POLA1: variants seen among roughly 807,000 people sequenced by gnomAD.
POLA1 encodes DNA polymerase alpha catalytic subunit.
POLA1 carries 15 observed loss-of-function variants against 124.0 expected under a neutral mutation model. The ratio of observed to expected loss-of-function variants is 0.12; its 90% CI spans 0.08 to 0.19. POLA1 has a LOEUF of 0.19. Ranked by LOEUF, POLA1 falls within the 10% of genes least tolerant of loss-of-function variation. POLA1 has a pLI of 1.00. For synonymous variants in POLA1, 408 were observed against 389.4 expected (o/e 1.05, Z -0.56); for missense variants, 886 against 1,103.4 (o/e 0.80, Z 2.79).
intron 32 of POLA1, among the ~76,000 whole-genome samples, chrX:24,828,639 C>T (rs995254358): frequency 1.8e-4 from 20 of 111,737 alleles, no homozygotes; most frequent in African/African-American, 6.5e-4. Flanking sequence ...TCTTCAAAAA[C>T]CTGGTGTAAA....
At chrX:24,886,334 G>A (rs1273077912) in intron 34 of POLA1, among the ~76,000 whole-genome samples, 1 of 111,740 alleles carries the variant, frequency 8.9e-6, no homozygotes, top group Non-Finnish European at 1.9e-5. Context: ...GACCCTCCCT[G>A]TACTTGAAAA....
At chrX:24,782,453 G>A (rs1189982629) in intron 26 of POLA1, among the ~76,000 whole-genome samples, 1 of 111,773 alleles carries the variant, frequency 8.9e-6, no homozygotes, top group African/African-American at 3.3e-5. Context: ...TAAATGACAA[G>A]CACATTCCAG....
intron 14 of POLA1, 93 bp downstream of exon 14, chrX:24,727,164 T>C (rs1301989341): frequency 2.7e-6 from 2 of 734,348 alleles, no homozygotes; most frequent in Non-Finnish European, 4.1e-6. Flanking sequence ...TTTATTTTAA[T>C]GTGTCTACTT....
chrX:24,992,146 T>C (rs756426444), intron 36 of POLA1, among the ~76,000 whole-genome samples: 24 of 111,870 alleles, frequency 2.1e-4, no homozygotes, highest in Non-Finnish European at 3.4e-4. Context: ...TGGATCGATA[T>C]TCAGGAAAAA....
At chrX:24,984,907 G>A (rs756471337) in intron 36 of POLA1, among the ~76,000 whole-genome samples, 4 of 110,546 alleles carry the variant, frequency 3.6e-5, no homozygotes, top group Admixed American at 9.6e-5. Context: ...TGATCCGCCC[G>A]CCTCGGCCTC....
intron 36 of POLA1, among the ~76,000 whole-genome samples, chrX:24,985,338 AG>A (rs1234232767): frequency 8.8e-6 from 1 of 113,041 alleles, no homozygotes; most frequent in Non-Finnish European, 1.9e-5. Flanking sequence ...AACAAAAACA[AG>A]TGGAAGCCGA....
chrX:24,812,729 A>G lies in POLA1; in HGVS notation c.3162A>G (p.Leu1054=), dbSNP rs755563554. 3.3e-6 allele frequency: 4 copies of G among 1,199,508 alleles called. No individual in the cohort carries two copies. The highest frequency in any genetic ancestry group is 2.3e-4 in the Middle Eastern group (1 of 4,342). The part of the protein sequence containing the change: ...IDIDGVFKSL[L]LLKKKKYAAL... ...TTGATGGGGTTTTCAAGTCTCTGCTACTGCTGAAAAAAAAGAAGTACGCTG... is the reference window on the plus strand; with the variant it reads ...TTGATGGGGTTTTCAAGTCTCTGCTGCTGCTGAAAAAAAAGAAGTACGCTG... Residue 1054 remains leucine (L), a synonymous_variant, in exon 29 of 37, where the codon CTA becomes CTG. Transcript: ENST00000379068.
intron 31 of POLA1, among the ~76,000 whole-genome samples, chrX:24,822,852 G>A (rs373624736): frequency 8.5e-4 from 94 of 111,171 alleles, no homozygotes; most frequent in African/African-American, 3.0e-3. Context: ...TTAGATTGGT[G>A]ATGAGAAGAA....
At chrX:24,899,662 A>G (rs1047020238) in intron 35 of POLA1, among the ~76,000 whole-genome samples, 1 of 112,016 alleles carries the variant, frequency 8.9e-6, no homozygotes, top group African/African-American at 3.2e-5. Flanking sequence ...AGCAAATGCT[A>G]GCTAATGGCC....
chrX:24,773,941 AC>A (rs1416558353), intron 26 of POLA1, among the ~76,000 whole-genome samples: 6 of 112,056 alleles, frequency 5.4e-5, no homozygotes, highest in African/African-American at 1.9e-4. Context: ...GATACTTTCT[AC>A]CAATTAGCTC....
rs919487050 is a variant in POLA1, at chrX:24,764,850, A to G, written c.2964+15858A>G. ...ACTGCTCTGATTAGTTTAGACCACCATCATCTCTGGCCAGGATCACTGCAT... is the reference window on the plus strand; with the variant it reads ...ACTGCTCTGATTAGTTTAGACCACCGTCATCTCTGGCCAGGATCACTGCAT... On this transcript the variant is annotated intron_variant, in intron 26 of 36. Transcript: ENST00000379068. Among the ~76,000 whole-genome samples, 6 of 111,304 alleles carry G rather than the reference A, an allele frequency of 5.4e-5. No individual in the cohort carries two copies. The South Asian group carries it at 1.5e-3, about 29-fold the overall frequency.
chrX:24,793,847 A>G (rs1485224906), intron 26 of POLA1, among the ~76,000 whole-genome samples: 4 of 110,815 alleles, frequency 3.6e-5, no homozygotes, highest in Non-Finnish European at 7.6e-5. Flanking sequence ...AGTCTCCCAA[A>G]TTGCTGGGAT....
At chrX:24,966,318 A>T (rs892249121) in intron 36 of POLA1, among the ~76,000 whole-genome samples, 8 of 111,345 alleles carry the variant, frequency 7.2e-5, no homozygotes, top group Non-Finnish European at 1.5e-4. Flanking sequence ...AATGTACCTG[A>T]GGTACATTCT....
chrX:24,735,339 AG>A, intron 17 of POLA1, 59 bp from the exon 18 acceptor site: 1 of 681,131 alleles, frequency 1.5e-6, no homozygotes, highest in Non-Finnish European at 2.4e-6. Flanking sequence ...CAAGAAGCCA[AG>A]ATACAGTACT....
chrX:24,761,873 G>A (rs1027584502), intron 26 of POLA1, among the ~76,000 whole-genome samples: 1 of 111,907 alleles, frequency 8.9e-6, no homozygotes, highest in African/African-American at 3.3e-5. Flanking sequence ...AAAGCCTTCG[G>A]TAATGATTCC....
intron 36 of POLA1, among the ~76,000 whole-genome samples, chrX:24,966,255 C>T (rs1318979260): frequency 9.0e-6 from 1 of 110,712 alleles, no homozygotes; most frequent in African/African-American, 3.3e-5. Flanking sequence ...GTTTTTTTTC[C>T]AGTGCCACTT....
chrX:24,875,574 C>T (rs1181887912), intron 34 of POLA1, among the ~76,000 whole-genome samples: 2 of 111,639 alleles, frequency 1.8e-5, no homozygotes, highest in African/African-American at 3.3e-5. Context: ...TCTATAATTT[C>T]GGAGGCATAT....
At chrX:24,900,773 G>T (rs780020106) in intron 35 of POLA1, among the ~76,000 whole-genome samples, 85 of 111,594 alleles carry the variant, frequency 7.6e-4, no homozygotes, top group African/African-American at 2.4e-3. Context: ...CTTTGCAGAG[G>T]TACTGAATGG....
intron 36 of POLA1, among the ~76,000 whole-genome samples, chrX:24,952,571 G>C (rs972069155): frequency 8.9e-6 from 1 of 112,453 alleles, no homozygotes; most frequent in Non-Finnish European, 1.9e-5. Context: ...GTTCAGTGCT[G>C]ATAGAAGCCT....
Sources: gnomAD v4.1 joint callset for allele counts (sites outside exome capture counted in the v4.1 genomes callset) on GRCh38, gnomAD v4.1.1 for gene constraint, MANE v1.5 for transcripts, NCBI Gene and HGNC (gene_info 2026-07-23, HGNC 2026-07-21) for gene names.